The following ATRN variants were observed in gnomAD, a reference collection of about 807,000 sequenced individuals.
The protein encoded by ATRN is attractin-2.
Under a neutral mutation model 178.7 loss-of-function variants are expected in ATRN, and 54 were observed. The observed-to-expected ratio is 0.30, with a 90% confidence interval of 0.24 to 0.38. The LOEUF (loss-of-function observed/expected upper bound fraction) is 0.38, where lower values mean the gene tolerates loss of function less well. ATRN is among the 10% of genes least tolerant of loss of function. ATRN has a pLI of 1.00. For synonymous variants in ATRN, 636 were observed against 663.0 expected (o/e 0.96, Z 0.63); for missense variants, 1,443 against 1,815.1 (o/e 0.79, Z 3.73).
intron 6 of ATRN, among the ~76,000 whole-genome samples, chr20:3,550,912 G>A (rs918244701): frequency 5.9e-5 from 9 of 152,202 alleles, no homozygotes; most frequent in African/African-American, 2.2e-4. Context: ...AGTCATTTGT[G>A]TGGGCACCTC....
At chr20:3,619,056 CTGGTCCCAGGGGGTCGT>C (rs376740311) in intron 24 of ATRN, among the ~76,000 whole-genome samples, 7 of 152,302 alleles carry the variant, frequency 4.6e-5, no homozygotes, top group African/African-American at 1.7e-4. Context: ...GGTGGGGCCG[CTGGTCCCAGGGGGTCGT>C]TGGGAGCCTG....
At chr20:3,545,181 A>T (rs958499619) in intron 3 of ATRN, among the ~76,000 whole-genome samples, 1 of 152,084 alleles carries the variant, frequency 6.6e-6, no homozygotes, top group African/African-American at 2.4e-5. Context: ...AGCCTGGCCT[A>T]CATGATGAAA....
intron 24 of ATRN, among the ~76,000 whole-genome samples, chr20:3,618,144 A>G (rs769656979): frequency 2.0e-5 from 3 of 151,980 alleles, no homozygotes; most frequent in Non-Finnish European, 4.4e-5. Context: ...TCCACTTCCT[A>G]TCTGTGGTGG....
rs760134949 is a variant in ATRN, at chr20:3,632,585, A to G, written c.3864-1726A>G. On this transcript the variant is annotated intron_variant, in intron 25 of 28. Coordinates refer to ENST00000262919, the MANE Select transcript of ATRN (RefSeq NM_139321.3). This position sits in a 1 kb window ranked among gnomAD's most constrained non-coding sequence, Gnocchi z 4.2. ...CATACCTTCTCCAAGTCTTTGTTCA[A>G]ATGTCACCTTCTGAGAAAGAAAGGC... Among the ~76,000 whole-genome samples the G allele has an allele frequency of 6.6e-5, 10 of 152,194 alleles. No homozygotes were observed. Among genetic ancestry groups the G allele is most frequent in the Non-Finnish European group, 1.3e-4 (9 of 68,008 alleles).
At chr20:3,550,234 G>T (rs2085767483) in intron 6 of ATRN, among the ~76,000 whole-genome samples, 1 of 152,158 alleles carries the variant, frequency 6.6e-6, no homozygotes, top group South Asian at 2.1e-4. Flanking sequence ...AGGCTGAGAT[G>T]GGAGAATTGC....
chr20:3,551,162 G>A (rs775384968), intron 6 of ATRN, among the ~76,000 whole-genome samples: 7 of 152,158 alleles, frequency 4.6e-5, no homozygotes, highest in Admixed American at 4.6e-4. Context: ...TCTTACCCAG[G>A]AACACCTAGA....
At chr20:3,574,343 C>CT (rs1472933477) in intron 12 of ATRN, among the ~76,000 whole-genome samples, 2 of 152,198 alleles carry the variant, frequency 1.3e-5, no homozygotes, top group African/African-American at 4.8e-5. Flanking sequence ...GAGACCCTGT[C>CT]TCTACCAAAA....
Position 3,585,021 on chromosome 20 carries a change from A to C in ATRN, c.3184+141A>C, listed in dbSNP as rs974746394. On this transcript the variant is annotated intron_variant, in intron 18 of 28. Transcript: ENST00000262919. The stretch of plus-strand genomic sequence containing the variant: ...CCTAATGGTTGGTACAAGAAGGAAT[A>C]GACCAGAAGCTGGTCCAAGGCCTGA... The C allele has an allele frequency of 2.2e-5, 18 of 818,954 alleles. No homozygotes were observed. In the African/African-American group the frequency reaches 3.1e-4, roughly 14 times the overall value. The allele number at this position is 818,954 out of a possible 1,614,324, so 50.7% of individuals were successfully genotyped here.
At chr20:3,611,637 G>A (rs996350631) in intron 24 of ATRN, among the ~76,000 whole-genome samples, 9 of 152,208 alleles carry the variant, frequency 5.9e-5, no homozygotes, top group Non-Finnish European at 1.0e-4. Context: ...AGCTACTCAG[G>A]ATACTGAGGC....
At chr20:3,490,322 G>T in intron 1 of ATRN, 1 of 1,016,200 alleles carries the variant, frequency 9.8e-7, no homozygotes, top group Non-Finnish European at 1.6e-6. Context: ...AGCGCTGCTT[G>T]TCTCTTTCGC....
chr20:3,529,276 G>A (rs1246687606), intron 1 of ATRN, among the ~76,000 whole-genome samples: 1 of 152,104 alleles, frequency 6.6e-6, no homozygotes, highest in Non-Finnish European at 1.5e-5. Flanking sequence ...ATTGTAAGGT[G>A]GAAACAGTTT....
chr20:3,509,852 A>G (rs1002947371), intron 1 of ATRN, among the ~76,000 whole-genome samples: 3 of 152,222 alleles, frequency 2.0e-5, no homozygotes, highest in Non-Finnish European at 4.4e-5. Context: ...AAAGTGCAAG[A>G]ATAAAAACAG....
At chr20:3,493,126 G>C (rs1161118539) in intron 1 of ATRN, among the ~76,000 whole-genome samples, 1 of 78,976 alleles carries the variant, frequency 1.3e-5, no homozygotes, top group Non-Finnish European at 2.9e-5. Flanking sequence ...GTTTGTTTGT[G>C]TGTGTGTGTG....
At chr20:3,510,984 A>G (rs180913978) in intron 1 of ATRN, among the ~76,000 whole-genome samples, 2 of 152,332 alleles carry the variant, frequency 1.3e-5, no homozygotes, top group Admixed American at 1.3e-4. Context: ...ATTGCACTAT[A>G]TAGTTTCTGT....
rs1314885763 is a variant in ATRN at position 3,563,249 on chromosome 20, A to G, written c.1672A>G (p.Thr558Ala). 2.5e-6 allele frequency: 4 copies of G among 1,613,698 alleles called. No homozygotes were observed. The highest frequency in any genetic ancestry group is 1.7e-5 in the Admixed American group (1 of 59,986). Reference sequence around the variant, plus strand: ...CAGCCGATTTTTCCGTTACTTGCACACAGCTGTGATAGTGAGTGGAACCAT... The same window carrying G: ...CAGCCGATTTTTCCGTTACTTGCACGCAGCTGTGATAGTGAGTGGAACCAT... ...KDSRFFRYLH[T>A]AVIVSGTMLV... Residue 558 changes from threonine (T) to alanine (A), a missense_variant, in exon 10 of 29, where the codon ACA becomes GCA. By Grantham distance (58) the Thr-to-Ala change is moderately conservative (BLOSUM62 0). This residue lies in a region of ATRN where 862 missense variants were observed against 972.1 expected (regional missense o/e 0.89). Transcript: ENST00000262919.
At chr20:3,562,852 A>G (rs2085974274) in intron 9 of ATRN, among the ~76,000 whole-genome samples, 1 of 152,226 alleles carries the variant, frequency 6.6e-6, no homozygotes. Context: ...TTTTGTGGGT[A>G]TGCTGAGACT....
At chr20:3,496,974 G>A (rs1168408649) in intron 1 of ATRN, among the ~76,000 whole-genome samples, 1 of 151,652 alleles carries the variant, frequency 6.6e-6, no homozygotes, top group African/African-American at 2.4e-5. Flanking sequence ...TCAGAGACTA[G>A]GATTGCAACC....
intron 27 of ATRN, 48 bp from the exon 28 acceptor site, chr20:3,644,106 C>A: frequency 1.4e-6 from 2 of 1,380,750 alleles, no homozygotes; most frequent in Non-Finnish European, 2.1e-6. Context: ...TGTCCGTATA[C>A]ATTAAAGCTT....
intron 19 of ATRN, 55 bp from the exon 20 acceptor site, chr20:3,594,424 A>G (rs1033427175): frequency 1.4e-6 from 2 of 1,466,796 alleles, no homozygotes; most frequent in Non-Finnish European, 1.9e-6. Flanking sequence ...AAAGTCTCCA[A>G]TAGTCAGAAT....
Sources: allele counts gnomAD v4.1 joint callset (sites outside exome capture counted in the v4.1 genomes callset), GRCh38; gene constraint gnomAD v4.1.1; regional missense constraint gnomAD v4.1.1; non-coding constraint Gnocchi (gnomAD v3.1); transcripts MANE v1.5; gene names NCBI Gene and HGNC (gene_info 2026-07-23, HGNC 2026-07-21).